CCSER1: variants seen among roughly 807,000 people sequenced by gnomAD.
CCSER1 encodes coiled-coil serine rich protein 1.
A neutral mutation model predicts 82.0 loss-of-function variants in CCSER1; 41 were observed. That is an observed-to-expected ratio of 0.50 (90% CI 0.39 to 0.65). The LOEUF is 0.65. Among genes scored for constraint, CCSER1 ranks in the 30% least tolerant of loss-of-function variants. The pLI, the probability that CCSER1 is intolerant of heterozygous loss-of-function variation, is 0.00. For synonymous variants in CCSER1, 414 were observed against 383.9 expected (o/e 1.08, Z -0.92); for missense variants, 1,119 against 1,064.2 (o/e 1.05, Z -0.72).
rs562552783 is a variant in CCSER1 at position 91,595,862 on chromosome 4, C to T, written c.2218-2710C>T. 1.1e-4 allele frequency among the ~76,000 whole-genome samples: 16 copies of T among 149,328 alleles called. 1 individual carries two copies. The South Asian group carries it at 3.4e-3, about 32-fold the overall frequency. ...TGAATTCATATATATCTGACCCTAC[C>T]CATATGATTAACCCCTGCACAATGC... On this transcript the variant is annotated intron_variant, in intron 10 of 10. Coordinates refer to ENST00000509176, the MANE Select transcript of CCSER1 (RefSeq NM_001145065.2).
chr4:90,953,148 T>C (rs979862465), intron 9 of CCSER1, among the ~76,000 whole-genome samples: 1 of 152,036 alleles, frequency 6.6e-6, no homozygotes, highest in African/African-American at 2.4e-5. Context: ...ATATGCAATT[T>C]TGTCATCTAG....
chr4:91,074,679 C>A (rs1561524545), intron 9 of CCSER1, among the ~76,000 whole-genome samples: 1 of 152,206 alleles, frequency 6.6e-6, no homozygotes, highest in Non-Finnish European at 1.5e-5. Context: ...TGGCTGCAAG[C>A]CTCCTCATCT....
At chr4:90,170,820 A>G (rs533173583) in intron 1 of CCSER1, among the ~76,000 whole-genome samples, 30 of 151,916 alleles carry the variant, frequency 2.0e-4, no homozygotes, top group African/African-American at 6.3e-4. Context: ...TAGTACTGCA[A>G]TAAACATGGG....
intron 6 of CCSER1, among the ~76,000 whole-genome samples, chr4:90,682,541 T>G (rs2149185982): frequency 6.6e-6 from 1 of 152,158 alleles, no homozygotes; most frequent in Non-Finnish European, 1.5e-5. Context: ...AACAAAAGTT[T>G]ACTTACCTTT....
intron 3 of CCSER1, among the ~76,000 whole-genome samples, chr4:90,340,553 C>T (rs1741204407): frequency 6.6e-6 from 1 of 152,120 alleles, no homozygotes; most frequent in Non-Finnish European, 1.5e-5. Context: ...ATTATAATTA[C>T]AGCAGTTACA....
intron 10 of CCSER1, among the ~76,000 whole-genome samples, chr4:91,222,986 G>T (rs190260052): frequency 2.3e-3 from 344 of 152,104 alleles, no homozygotes; most frequent in African/African-American, 8.0e-3. Context: ...TTTTCTTATG[G>T]ACACTGGATA....
At chr4:90,815,923 C>T in intron 8 of CCSER1, 78 bp downstream of exon 8, 1 of 844,446 alleles carries the variant, frequency 1.2e-6, no homozygotes, top group Non-Finnish European at 1.9e-6. Context: ...TTTATTAACA[C>T]CAATGGCATT....
intron 9 of CCSER1, among the ~76,000 whole-genome samples, chr4:91,054,723 G>T: frequency 6.6e-6 from 1 of 150,746 alleles, no homozygotes; most frequent in Admixed American, 6.6e-5. Context: ...GGGCGGTGGG[G>T]TTGGTGGGGG....
intron 9 of CCSER1, among the ~76,000 whole-genome samples, chr4:91,023,200 A>T (rs1740167313): frequency 6.6e-6 from 1 of 152,192 alleles, no homozygotes; most frequent in Non-Finnish European, 1.5e-5. Context: ...ATGGGTAGGA[A>T]GAATCAATAT....
At chr4:90,411,203 G>C (rs560862122) in intron 4 of CCSER1, among the ~76,000 whole-genome samples, 86 of 152,242 alleles carry the variant, frequency 5.6e-4, no homozygotes, top group African/African-American at 1.8e-3. Context: ...GTACAAGGAG[G>C]AGCTGGTACC....
intron 10 of CCSER1, among the ~76,000 whole-genome samples, chr4:91,126,581 T>C (rs938090050): frequency 3.3e-5 from 5 of 151,982 alleles, no homozygotes; most frequent in Admixed American, 3.3e-4. Context: ...ATAAATTAGA[T>C]AAAATTCATG....
intron 5 of CCSER1, among the ~76,000 whole-genome samples, chr4:90,579,233 T>C (rs1367724157): frequency 2.6e-5 from 4 of 152,162 alleles, no homozygotes; most frequent in Non-Finnish European, 1.5e-5. Context: ...CCAACTAATA[T>C]TTTCAAGGGC....
chr4:90,933,020 G>C (rs1344806545), intron 9 of CCSER1, among the ~76,000 whole-genome samples: 2 of 87,108 alleles, frequency 2.3e-5, no homozygotes, highest in African/African-American at 1.3e-4. Flanking sequence ...AAGAAAGAAA[G>C]AAAGAAAGAA....
At chr4:90,636,702 G>A (rs1056258841) in intron 6 of CCSER1, among the ~76,000 whole-genome samples, 7 of 152,070 alleles carry the variant, frequency 4.6e-5, no homozygotes, top group Non-Finnish European at 1.0e-4. Context: ...GGTAGTACAA[G>A]GGAACTTCTA....
chr4:90,514,583 C>T (rs1241304469), intron 5 of CCSER1, among the ~76,000 whole-genome samples: 1 of 151,882 alleles, frequency 6.6e-6, no homozygotes, highest in African/African-American at 2.4e-5. Context: ...TAGTGAAACC[C>T]CATCTCTACT....
In CCSER1 at chr4:91,602,667, A is replaced by G. The variant is rs1256914892; in HGVS notation, c.*3610A>G. On this transcript the variant is annotated 3_prime_UTR_variant, in exon 11 of 11. Transcript: ENST00000509176. Reference sequence around the variant, plus strand: ...TCAGAACTTAACATTCTAAACAGCTATAGAAGGAAGTGGTTCAAAATAACC... The same window carrying G: ...TCAGAACTTAACATTCTAAACAGCTGTAGAAGGAAGTGGTTCAAAATAACC... Among the ~76,000 whole-genome samples the G allele has an allele frequency of 1.3e-5, 2 of 152,064 alleles. No individual in the cohort carries two copies. The highest frequency in any genetic ancestry group is 4.8e-5 in the African/African-American group (2 of 41,440).
At chr4:90,974,992 C>T (rs892080185) in intron 9 of CCSER1, among the ~76,000 whole-genome samples, 6 of 151,298 alleles carry the variant, frequency 4.0e-5, no homozygotes, top group African/African-American at 1.5e-4. Flanking sequence ...ATCCATAAAG[C>T]AAAGTGTTAT....
At chr4:90,219,620 G>A (rs564631486) in intron 1 of CCSER1, among the ~76,000 whole-genome samples, 1 of 152,102 alleles carries the variant, frequency 6.6e-6, no homozygotes, top group South Asian at 2.1e-4. Flanking sequence ...TAAAAATCAT[G>A]CCTTGCTCTT....
intron 10 of CCSER1, among the ~76,000 whole-genome samples, chr4:91,401,115 TTTTA>T (rs940641634): frequency 5.2e-4 from 79 of 151,950 alleles, no homozygotes; most frequent in African/African-American, 1.9e-3. Context: ...TATTGTGCTG[TTTTA>T]TTTATTTAAT....
Sources: allele counts gnomAD v4.1 joint callset (sites outside exome capture counted in the v4.1 genomes callset), GRCh38; gene constraint gnomAD v4.1.1; transcripts MANE v1.5; gene names NCBI Gene and HGNC (gene_info 2026-07-23, HGNC 2026-07-21).